FOXP1: variants seen among roughly 807,000 people sequenced by gnomAD.
FOXP1 encodes forkhead box P1, also known as forkhead box protein P1.
A neutral mutation model predicts 98.2 loss-of-function variants in FOXP1; 15 were observed. The ratio of observed to expected loss-of-function variants is 0.15; its 90% confidence interval spans 0.10 to 0.24. FOXP1 has a LOEUF of 0.24. FOXP1 is among the 10% of genes least tolerant of loss of function. FOXP1 has a pLI of 1.00. For synonymous variants in FOXP1, 371 were observed against 314.5 expected (o/e 1.18, Z -1.90); for missense variants, 633 against 848.5 (o/e 0.75, Z 3.15).
At chr3:71,556,629 T>C (rs182043432) in intron 2 of FOXP1, among the ~76,000 whole-genome samples, 1 of 149,544 alleles carries the variant, frequency 6.7e-6, no homozygotes, top group Non-Finnish European at 1.5e-5. Flanking sequence ...TTACTCAATG[T>C]TGGCCAAACT....
At chr3:71,555,674 G>T (rs1323570844) in intron 2 of FOXP1, among the ~76,000 whole-genome samples, 1 of 152,144 alleles carries the variant, frequency 6.6e-6, no homozygotes, top group Admixed American at 6.5e-5. Flanking sequence ...GTGTTCCAGG[G>T]TCCATGCATA....
intron 2 of FOXP1, among the ~76,000 whole-genome samples, chr3:71,547,504 A>G (rs937989369): frequency 1.3e-5 from 2 of 152,208 alleles, no homozygotes; most frequent in African/African-American, 4.8e-5. Context: ...CCTCTTTTTA[A>G]AGGGCTCTGA....
chr3:71,277,392 T>C (rs920039631), intron 5 of FOXP1, among the ~76,000 whole-genome samples: 2 of 152,112 alleles, frequency 1.3e-5, no homozygotes, highest in Non-Finnish European at 2.9e-5. Flanking sequence ...CAAGATTTCA[T>C]TCTTTTTTAG....
intron 5 of FOXP1, among the ~76,000 whole-genome samples, chr3:71,298,200 C>T (rs996639859): frequency 1.3e-5 from 2 of 152,178 alleles, no homozygotes; most frequent in African/African-American, 2.4e-5. Context: ...GGAGCAGTGC[C>T]TCACGCCTGT....
At chr3:71,178,196 G>A (rs1032447331) in intron 6 of FOXP1, among the ~76,000 whole-genome samples, 9 of 148,676 alleles carry the variant, frequency 6.1e-5, no homozygotes, top group Admixed American at 4.0e-4. Context: ...ATGCAGTGGC[G>A]CGATCTCAGC....
chr3:71,170,661 C>T (rs185597500), intron 6 of FOXP1, among the ~76,000 whole-genome samples: 54 of 152,264 alleles, frequency 3.5e-4, no homozygotes, highest in African/African-American at 1.3e-3. Flanking sequence ...AGCTGAAAAC[C>T]ATTTTGCATC....
At chr3:71,226,793 G>A (rs568496185) in intron 5 of FOXP1, among the ~76,000 whole-genome samples, 5 of 151,860 alleles carry the variant, frequency 3.3e-5, no homozygotes, top group African/African-American at 7.3e-5. Flanking sequence ...CTCACTCCCC[G>A]CACGCACTAC....
chr3:71,461,077 G>C (rs147337036), intron 3 of FOXP1, among the ~76,000 whole-genome samples: 1 of 152,322 alleles, frequency 6.6e-6, no homozygotes, highest in African/African-American at 2.4e-5. Flanking sequence ...GTTGTAGAGA[G>C]AGGTTTGAGT....
chr3:70,984,910 T>A (rs1048704790), intron 14 of FOXP1, among the ~76,000 whole-genome samples: 5 of 152,190 alleles, frequency 3.3e-5, no homozygotes, highest in African/African-American at 1.2e-4. Context: ...AATGCGTCTA[T>A]GAGCTGATGT....
At chr3:70,963,041 G>T (rs2033921721) in intron 20 of FOXP1, among the ~76,000 whole-genome samples, 1 of 152,116 alleles carries the variant, frequency 6.6e-6, no homozygotes, top group Admixed American at 6.5e-5. Flanking sequence ...GTAGTTACGA[G>T]GTATCAATTT....
Position 71,115,319 on chromosome 3 carries a change from T to A in FOXP1, c.181-2682A>T, listed in dbSNP as rs1041835310. ...CTCAATTATTATTATTATTATTATT[T>A]TATTTATTTATTTATTTATTTATTT... On this transcript the variant is annotated intron_variant, in intron 6 of 20. Coordinates refer to ENST00000649528, the MANE Select transcript of FOXP1 (RefSeq NM_001349338.3). Among the ~76,000 whole-genome samples, 119 of 14,834 alleles carry A rather than the reference T, an allele frequency of 8.0e-3. 1 individual carries two copies. The highest frequency in any genetic ancestry group is 0.028 in the African/African-American group (66 of 2,362). The allele number at this position is 14,834 out of a possible 152,430, so 9.7% of individuals were successfully genotyped here. A position where few individuals can be genotyped will look rare whatever the true frequency, so the allele number is the denominator to read the frequency against.
chr3:70,962,888 C>T (rs938162277), intron 20 of FOXP1, among the ~76,000 whole-genome samples: 3 of 152,100 alleles, frequency 2.0e-5, no homozygotes, highest in Non-Finnish European at 4.4e-5. Flanking sequence ...TTTTGCTAAC[C>T]TTATCCAAAA....
intron 3 of FOXP1, among the ~76,000 whole-genome samples, chr3:71,427,289 T>C (rs892735980): frequency 6.6e-6 from 1 of 151,962 alleles, no homozygotes; most frequent in Admixed American, 6.5e-5. Flanking sequence ...AATAAATGGA[T>C]ACAAAACGGA....
chr3:71,012,853 C>T (rs2043853762), intron 12 of FOXP1, among the ~76,000 whole-genome samples: 1 of 152,062 alleles, frequency 6.6e-6, no homozygotes, highest in Non-Finnish European at 1.5e-5. Context: ...ATCAAGCACC[C>T]AGATGTATAC....
chr3:71,526,617 G>A (rs2043401118), intron 2 of FOXP1, among the ~76,000 whole-genome samples: 2 of 152,192 alleles, frequency 1.3e-5, no homozygotes, highest in Non-Finnish European at 2.9e-5. Context: ...CACTGTGGGA[G>A]TGTACTGCAT....
At chr3:71,188,365 A>G (rs1446150987) in intron 6 of FOXP1, among the ~76,000 whole-genome samples, 2 of 152,096 alleles carry the variant, frequency 1.3e-5, no homozygotes, top group African/African-American at 4.8e-5. Flanking sequence ...TGATAAAAAC[A>G]CGAATGTAGG....
intron 7 of FOXP1, among the ~76,000 whole-genome samples, chr3:71,082,810 G>A (rs1356863849): frequency 6.6e-6 from 1 of 152,176 alleles, no homozygotes; most frequent in African/African-American, 2.4e-5. Flanking sequence ...CCAGGTTTGG[G>A]ATTAAACGTC....
intron 5 of FOXP1, among the ~76,000 whole-genome samples, chr3:71,222,183 C>A (rs993288030): frequency 6.6e-6 from 1 of 151,866 alleles, no homozygotes. Context: ...AACAAAAACC[C>A]AAGTCCTTCA....
intron 4 of FOXP1, among the ~76,000 whole-genome samples, chr3:71,345,624 T>G (rs2077288855): frequency 6.6e-6 from 1 of 151,990 alleles, no homozygotes; most frequent in Admixed American, 6.6e-5. Context: ...CTGCTTATTT[T>G]GGCGATGAAA....
Sources: allele counts gnomAD v4.1 joint callset (sites outside exome capture counted in the v4.1 genomes callset), GRCh38; gene constraint gnomAD v4.1.1; transcripts MANE v1.5; gene names NCBI Gene and HGNC (gene_info 2026-07-23, HGNC 2026-07-21).